The following SYAP1 variants were observed in gnomAD, a reference collection of about 807,000 sequenced individuals.
SYAP1 encodes the protein synapse-associated protein 1.
In SYAP1, 3 loss-of-function variants were observed where a neutral mutation model predicts 29.6. That is an observed-to-expected ratio of 0.10 (90% confidence interval 0.05 to 0.26). The LOEUF (loss-of-function observed/expected upper bound fraction) is 0.26. Ranked by LOEUF, SYAP1 falls within the 10% of genes least tolerant of loss-of-function variation. The pLI, the probability that SYAP1 is intolerant of heterozygous loss-of-function variation, is 1.00. For synonymous variants in SYAP1, 102 were observed against 102.7 expected (o/e 0.99, Z 0.04); for missense variants, 217 against 264.1 (o/e 0.82, Z 1.24).
chrX:16,755,872 C>A (rs1290288347), intron 6 of SYAP1, among the ~76,000 whole-genome samples: 10 of 111,927 alleles, frequency 8.9e-5, no homozygotes. Context: ...GACATTTATC[C>A]CACAAGAAGC....
At position 16,765,135 on chromosome X, in the gene SYAP1, T is replaced by C. The variant is rs1927067670; in HGVS notation, c.*4776T>C. On this transcript the variant is annotated 3_prime_UTR_variant, in exon 9 of 9. Coordinates refer to ENST00000380155, the MANE Select transcript of SYAP1 (RefSeq NM_032796.4). ...AAATACACATGAAGCTTTAATCACA[T>C]GCAGTTATATACTTCTCACAAATCA... is the stretch of plus-strand genomic sequence containing the variant. The C allele has an allele frequency of 8.9e-6, 1 of 112,422 alleles. No individual in the cohort carries two copies. Among genetic ancestry groups the C allele is most frequent in the Admixed American group, 9.5e-5 (1 of 10,479 alleles). 9.3% of individuals were successfully genotyped at this position (112,422 alleles called of 1,213,427 possible).
chrX:16,734,934 G>A lies in SYAP1; in HGVS notation c.176-293G>A, dbSNP rs190411817. ...GAATCGCTTGATCATAGGAGGCAGA[G>A]CTTGCAGTGAGCTGAGATCACGCCA... is the stretch of plus-strand genomic sequence containing the variant. On this transcript the variant is annotated intron_variant, in intron 1 of 8. Coordinates refer to ENST00000380155, the MANE Select transcript of SYAP1 (RefSeq NM_032796.4). Among the ~76,000 whole-genome samples, 1,003 of 102,592 alleles carry A rather than the reference G, an allele frequency of 9.8e-3. 8 individuals carry two copies. Among genetic ancestry groups the A allele is most frequent in the Non-Finnish European group, 0.014 (723 of 50,962 alleles). The allele number at this position is 102,592 out of a possible 115,157, so 89.1% of individuals were successfully genotyped here.
At position 16,764,979 on chromosome X, in the gene SYAP1, A is replaced by T. The variant is rs1290377415; in HGVS notation, c.*4620A>T. ...CCAAAGTGCTGGGATTACAGGCATG[A>T]TGAGCCACTGCACCTGGCCAAAAGT... On this transcript the variant is annotated 3_prime_UTR_variant, in exon 9 of 9. Coordinates refer to ENST00000380155, the MANE Select transcript of SYAP1 (RefSeq NM_032796.4). 8.9e-6 allele frequency: 1 copy of T among 112,162 alleles called. No individual in the cohort carries two copies. Among genetic ancestry groups the T allele is most frequent in the Non-Finnish European group, 1.9e-5 (1 of 53,270 alleles). The allele number at this position is 112,162 out of a possible 1,213,427, so 9.2% of individuals were successfully genotyped here. A position where few individuals can be genotyped will look rare whatever the true frequency, so the allele number is the denominator to read the frequency against.
chrX:16,724,932 G>T (rs1394473344), intron 1 of SYAP1, among the ~76,000 whole-genome samples: 1 of 111,606 alleles, frequency 9.0e-6, no homozygotes, highest in Non-Finnish European at 1.9e-5. Context: ...TCTGGGGCTG[G>T]CCACATGGGC....
rs1339339549 is a variant in SYAP1, at chrX:16,757,341, CTA to C, written c.931+34_931+35del. On this transcript the variant is annotated intron_variant, in intron 8 of 8. Coordinates refer to ENST00000380155, the MANE Select transcript of SYAP1 (RefSeq NM_032796.4). ...AACAAAACAAATCAAAGCAAAGAAA[CTA>C]TTCGTCTCCCTAATTCCAAAGCTAA... The C allele has an allele frequency of 2.6e-6, 3 of 1,169,400 alleles. No individual in the cohort carries two copies. In the African/African-American group the frequency reaches 5.4e-5, roughly 21 times the overall value.
intron 5 of SYAP1, among the ~76,000 whole-genome samples, chrX:16,751,156 T>TA (rs996866114): frequency 1.6e-4 from 17 of 109,537 alleles, no homozygotes; most frequent in African/African-American, 5.3e-4. Flanking sequence ...GCATCCCTTC[T>TA]AAAAAAATGG....
intron 1 of SYAP1, among the ~76,000 whole-genome samples, chrX:16,729,762 A>G (rs750100113): frequency 1.6e-4 from 18 of 111,283 alleles, no homozygotes; most frequent in South Asian, 1.1e-3. Context: ...GATTACAGGC[A>G]TGAGCCACTG....
At chrX:16,757,413 G>A (rs752105324) in intron 8 of SYAP1, 104 bp downstream of exon 8, 6 of 934,292 alleles carry the variant, frequency 6.4e-6, no homozygotes, top group Admixed American at 7.1e-5. Context: ...AAAATGTGTT[G>A]TAAATTTTGC....
chrX:16,736,513 T>G, intron 3 of SYAP1: 5 of 186,427 alleles, frequency 2.7e-5, no homozygotes, highest in Non-Finnish European at 5.0e-5. Flanking sequence ...TCTTTTCTTT[T>G]CCCCCACCGA....
chrX:16,731,032 A>G (rs1331379180), intron 1 of SYAP1, among the ~76,000 whole-genome samples: 1 of 112,328 alleles, frequency 8.9e-6, no homozygotes, highest in Non-Finnish European at 1.9e-5. Context: ...TTTTACCAGT[A>G]ATCTTTAAAA....
Position 16,743,706 on chromosome X carries a change from G to A in SYAP1, c.441G>A (p.Lys147=), listed in dbSNP as rs750371273. ...QQQILALSAD[K]RNFLRDPPAG... Reference sequence around the variant, plus strand: ...TTTTTCTTTTTTTATCAAAGGACAAGAGGAATTTCCTTCGTGACCCTCCGG... The same window carrying A: ...TTTTTCTTTTTTTATCAAAGGACAAAAGGAATTTCCTTCGTGACCCTCCGG... The change falls in exon 5 of 9, where the codon AAG becomes AAA. Residue 147 remains lysine (K), a synonymous_variant. Coordinates refer to ENST00000380155, the MANE Select transcript of SYAP1 (RefSeq NM_032796.4). 4.1e-6 allele frequency: 5 copies of A among 1,207,504 alleles called. No individual in the cohort carries two copies. Among genetic ancestry groups the A allele is most frequent in the Non-Finnish European group, 4.5e-6 (4 of 894,042 alleles).
At chrX:16,724,396 A>G (rs1926039092) in intron 1 of SYAP1, among the ~76,000 whole-genome samples, 1 of 111,674 alleles carries the variant, frequency 9.0e-6, no homozygotes, top group Admixed American at 9.6e-5. Flanking sequence ...ATAAACCACA[A>G]TGAGGCATTC....
intron 2 of SYAP1, among the ~76,000 whole-genome samples, chrX:16,735,678 G>T (rs1459940586): frequency 8.9e-6 from 1 of 112,119 alleles, no homozygotes; most frequent in Non-Finnish European, 1.9e-5. Context: ...AGGCTGGAGT[G>T]TGGTGGTGTG....
Position 16,760,613 on chromosome X carries a change from G to T in SYAP1, c.*254G>T. 1 of 166,508 alleles carries T rather than the reference G, an allele frequency of 6.0e-6. No individual in the cohort carries two copies. Among genetic ancestry groups the T allele is most frequent in the Non-Finnish European group, 1.1e-5 (1 of 89,138 alleles). 13.7% of individuals were successfully genotyped at this position (166,508 alleles called of 1,213,427 possible). ...TTAGAGATGTCTTCATAGGCAGTAT[G>T]GCTATCTTTGCCACAGAAACATAAG... On this transcript the variant is annotated 3_prime_UTR_variant, in exon 9 of 9. Transcript: ENST00000380155.
At chrX:16,744,964 C>T (rs759700633) in intron 5 of SYAP1, among the ~76,000 whole-genome samples, 2 of 112,355 alleles carry the variant, frequency 1.8e-5, no homozygotes, top group Non-Finnish European at 3.8e-5. Flanking sequence ...GAGACCCTGT[C>T]TCAAATAAAA....
rs1926966566 is a variant in SYAP1 at position 16,760,874 on chromosome X, A to G, written c.*515A>G. The G allele has an allele frequency of 8.9e-6, 1 of 111,916 alleles. No homozygotes were observed. Among genetic ancestry groups the G allele is most frequent in the Non-Finnish European group, 1.9e-5 (1 of 53,237 alleles). 9.2% of individuals were successfully genotyped at this position (111,916 alleles called of 1,213,427 possible). ...TTCTAAAATTCCACCTGAAAGCCAA[A>G]AGATAAAATAAATAAGTTGATTTTA... On this transcript the variant is annotated 3_prime_UTR_variant, in exon 9 of 9. Coordinates refer to ENST00000380155, the MANE Select transcript of SYAP1 (RefSeq NM_032796.4).
intron 1 of SYAP1, among the ~76,000 whole-genome samples, chrX:16,729,639 A>G (rs886408568): frequency 9.1e-6 from 1 of 110,003 alleles, no homozygotes; most frequent in East Asian, 2.8e-4. Context: ...ACGTGCCACC[A>G]TGCCCAGCTA....
intron 8 of SYAP1, among the ~76,000 whole-genome samples, chrX:16,757,908 AAAT>A (rs749499003): frequency 1.3e-4 from 14 of 108,401 alleles, no homozygotes; most frequent in African/African-American, 3.7e-4. Context: ...CTTCATCTCA[AAAT>A]AATAATAATA....
rs1343281391 is a variant in SYAP1 at position 16,760,372 on chromosome X, TAGA to T, written c.*18_*20del. 2.5e-6 allele frequency: 3 copies of T among 1,177,103 alleles called. No homozygotes were observed. The highest frequency in any genetic ancestry group is 2.3e-6 in the Non-Finnish European group (2 of 881,090). On this transcript the variant is annotated 3_prime_UTR_variant, in exon 9 of 9. Coordinates refer to ENST00000380155, the MANE Select transcript of SYAP1 (RefSeq NM_032796.4). The stretch of plus-strand genomic sequence containing the variant: ...AGAGGAAAATTAGCTGTTCCTGAAA[TAGA>T]AGAATAATCCTTAACAGTCTGCAAA...
Sources: gnomAD v4.1 joint callset for allele counts (sites outside exome capture counted in the v4.1 genomes callset) on GRCh38, gnomAD v4.1.1 for gene constraint, MANE v1.5 for transcripts, NCBI Gene and HGNC (gene_info 2026-07-23, HGNC 2026-07-21) for gene names.